Variants in PCDH15 observed in about 807,000 individuals in gnomAD.
PCDH15 encodes protocadherin-15.
A neutral mutation model predicts 178.5 loss-of-function variants in PCDH15; 129 were observed. That is an observed-to-expected ratio of 0.72 (90% CI 0.63 to 0.84). PCDH15 has a LOEUF of 0.84. Ranked by LOEUF, PCDH15 falls within the 40% of genes least tolerant of loss-of-function variation. The pLI, the probability that PCDH15 is intolerant of heterozygous loss-of-function variation, is 0.00. For synonymous variants in PCDH15, 800 were observed against 732.0 expected (o/e 1.09, Z -1.50); for missense variants, 2,230 against 2,099.9 (o/e 1.06, Z -1.21).
intron 1 of PCDH15, among the ~76,000 whole-genome samples, chr10:54,680,907 G>GA (rs1332926381): frequency 2.0e-5 from 3 of 152,150 alleles, no homozygotes; most frequent in African/African-American, 7.2e-5. Flanking sequence ...AAGAAGGTTG[G>GA]AGTAGGGAGA....
intron 2 of PCDH15, among the ~76,000 whole-genome samples, chr10:55,342,007 G>A (rs998276758): frequency 2.7e-5 from 4 of 149,428 alleles, no homozygotes; most frequent in African/African-American, 9.8e-5. Flanking sequence ...CAGGATTAGA[G>A]CACTAGTAGA....
intron 1 of PCDH15, among the ~76,000 whole-genome samples, chr10:55,307,666 CAAAG>C (rs1431917683): frequency 6.6e-6 from 1 of 151,702 alleles, no homozygotes; most frequent in Non-Finnish European, 1.5e-5. Context: ...TGTTATATCA[CAAAG>C]AGATTTGCCA....
chr10:54,002,076 T>C (rs28836540), intron 20 of PCDH15, among the ~76,000 whole-genome samples: 23 of 145,758 alleles, frequency 1.6e-4, no homozygotes, highest in African/African-American at 5.9e-4. Context: ...TGTATATATA[T>C]ACATATATGT....
chr10:54,962,962 A>G (rs1458163736), intron 2 of PCDH15, among the ~76,000 whole-genome samples: 1 of 152,218 alleles, frequency 6.6e-6, no homozygotes, highest in East Asian at 1.9e-4. Flanking sequence ...TTTATGAAAA[A>G]TGCGTACTTG....
Position 54,191,235 on chromosome 10 carries a change from A to G in PCDH15, c.1305+4448T>C, listed in dbSNP as rs565571830. Reference sequence around the variant, plus strand: ...TATTCTCAACAGATGTAAACTCATGAGGGAGAAAGACATTATTTTCAAGTT... The same window carrying G: ...TATTCTCAACAGATGTAAACTCATGGGGGAGAAAGACATTATTTTCAAGTT... On this transcript the variant is annotated intron_variant, in intron 11 of 37. Coordinates refer to ENST00000644397, the MANE Select transcript of PCDH15 (RefSeq NM_001384140.1). 5.9e-5 allele frequency among the ~76,000 whole-genome samples: 9 copies of G among 152,300 alleles called. No homozygotes were observed. In the South Asian group the frequency reaches 1.9e-3, roughly 32 times the overall value.
intron 2 of PCDH15, among the ~76,000 whole-genome samples, chr10:54,991,067 T>A (rs1285125933): frequency 6.6e-6 from 1 of 152,186 alleles, no homozygotes; most frequent in Non-Finnish European, 1.5e-5. Context: ...GAAGTCCCAA[T>A]TTACTTTCAT....
chr10:55,439,734 T>C (rs940850062), intron 2 of PCDH15, among the ~76,000 whole-genome samples: 4 of 151,912 alleles, frequency 2.6e-5, no homozygotes, highest in Non-Finnish European at 5.9e-5. Context: ...GCTTGGTAGG[T>C]AATAGGTGGA....
chr10:55,063,992 C>T (rs908921020), intron 2 of PCDH15, among the ~76,000 whole-genome samples: 10 of 152,036 alleles, frequency 6.6e-5, no homozygotes, highest in African/African-American at 2.4e-4. Context: ...TGAAGCAATC[C>T]TGAGTCAAGC....
chr10:55,004,623 C>G (rs963288078), intron 2 of PCDH15, among the ~76,000 whole-genome samples: 1 of 152,124 alleles, frequency 6.6e-6, no homozygotes, highest in African/African-American at 2.4e-5. Flanking sequence ...TTTTCCTGCA[C>G]TTGGTTACAT....
intron 1 of PCDH15, among the ~76,000 whole-genome samples, chr10:54,788,536 A>T (rs1352622884): frequency 3.9e-5 from 6 of 151,912 alleles, no homozygotes; most frequent in Non-Finnish European, 5.9e-5. Context: ...GGAAAAAAAT[A>T]AGAAAGTATA....
At chr10:54,511,144 T>A (rs147007222) in intron 3 of PCDH15, among the ~76,000 whole-genome samples, 9 of 152,300 alleles carry the variant, frequency 5.9e-5, no homozygotes, top group African/African-American at 1.9e-4. Context: ...TGAAACCATA[T>A]TTTTAAGAAT....
chr10:54,482,589 T>G (rs2078798761), intron 3 of PCDH15, among the ~76,000 whole-genome samples: 1 of 151,694 alleles, frequency 6.6e-6, no homozygotes, highest in Non-Finnish European at 1.5e-5. Context: ...TCAGAAGGTG[T>G]TCAGGAAAAG....
rs141174063 is a variant in PCDH15, at chr10:55,363,730, A to G, written c.-155-197079T>C. Among the ~76,000 whole-genome samples, 858 of 151,758 alleles carry G rather than the reference A, an allele frequency of 5.7e-3. 10 individuals are homozygous for G. The highest frequency in any genetic ancestry group is 0.02 in the African/African-American group (819 of 41,388). On this transcript the variant is annotated intron_variant, in intron 2 of 5. Transcript: ENST00000613346. ...GGCTCACTGCAACCTCCGCCTCTTG[A>G]GTTCAAGCGATTCTCCTGCATCAGC...
At chr10:54,288,759 TGCTAGTGC>T (rs2059197440) in intron 8 of PCDH15, among the ~76,000 whole-genome samples, 1 of 152,210 alleles carries the variant, frequency 6.6e-6, no homozygotes, top group African/African-American at 2.4e-5. Flanking sequence ...CCTTGCACAC[TGCTAGTGC>T]AGCAGTCTGA....
intron 20 of PCDH15, among the ~76,000 whole-genome samples, chr10:54,008,073 A>C (rs2092444316): frequency 6.6e-6 from 1 of 152,180 alleles, no homozygotes; most frequent in African/African-American, 2.4e-5. Flanking sequence ...GATAATCCCC[A>C]CCCTGAGTTA....
At chr10:54,781,423 CTTAA>C (rs1312009010) in intron 1 of PCDH15, among the ~76,000 whole-genome samples, 2 of 152,060 alleles carry the variant, frequency 1.3e-5, no homozygotes, top group East Asian at 1.9e-4. Flanking sequence ...TAGGAAGACA[CTTAA>C]CATATTTCTT....
At position 54,622,600 on chromosome 10, in the gene PCDH15, A is replaced by T. The variant is rs1348443331; in HGVS notation, c.91+41572T>A. Among the ~76,000 whole-genome samples the T allele has an allele frequency of 7.6e-3, 764 of 100,194 alleles. 22 individuals are homozygous for T. Among genetic ancestry groups the T allele is most frequent in the African/African-American group, 0.03 (693 of 23,346 alleles). The allele number at this position is 100,194 out of a possible 152,430, so 65.7% of individuals were successfully genotyped here. A position where few individuals can be genotyped will look rare whatever the true frequency, so the allele number is the denominator to read the frequency against. On this transcript the variant is annotated intron_variant, in intron 2 of 37. Coordinates refer to ENST00000644397, the MANE Select transcript of PCDH15 (RefSeq NM_001384140.1). ...ATATATATAATATATATAATATATA[A>T]TATATATAATTATATATAATATATA...
chr10:54,944,434 A>G (rs1838140144), intron 2 of PCDH15, among the ~76,000 whole-genome samples: 1 of 151,956 alleles, frequency 6.6e-6, no homozygotes, highest in South Asian at 2.1e-4. Flanking sequence ...GGGATGTGGC[A>G]TGGTTGAGAA....
At chr10:54,869,054 G>A (rs1481991877) in intron 3 of PCDH15, 2 of 152,186 alleles carry the variant, frequency 1.3e-5, no homozygotes, top group Non-Finnish European at 2.9e-5. Context: ...TAACCTCAAA[G>A]TGTGTTGTTG....
Sources: gnomAD v4.1 joint callset for allele counts (sites outside exome capture counted in the v4.1 genomes callset) on GRCh38, gnomAD v4.1.1 for gene constraint, MANE v1.5 for transcripts, NCBI Gene and HGNC (gene_info 2026-07-23, HGNC 2026-07-21) for gene names.